Variants in ARID4A observed in about 807,000 individuals in gnomAD.
ARID4A encodes AT-rich interaction domain 4A.
In ARID4A, 39 loss-of-function variants were observed where a neutral mutation model predicts 148.6. The ratio of observed to expected loss-of-function variants is 0.26; its 90% CI spans 0.20 to 0.34. ARID4A has a LOEUF of 0.34. Among genes scored for constraint, ARID4A ranks in the 10% least tolerant of loss-of-function variants. ARID4A has a pLI of 1.00. For missense variants in ARID4A, 1,265 were observed against 1,449.1 expected, an observed-to-expected ratio of 0.87 and a Z score of 2.06; for synonymous variants, 475 against 481.2, an observed-to-expected ratio of 0.99 and a Z score of 0.17.
rs377075782 is a variant in ARID4A, at chr14:58,318,563, G to A, written c.296G>A (p.Arg99Gln). ...YTVVFDDGDE[R>Q]TLRRTSLCLK... ...ATAGTGTTTGATGATGGTGATGAGC[G>A]AACATTGAGACGTACCTCACTTTGT... The change falls in exon 6 of 24, where the codon CGA becomes CAA. Residue 99 changes from arginine (R) to glutamine (Q), a missense_variant. Coordinates refer to ENST00000355431, the MANE Select transcript of ARID4A (RefSeq NM_002892.4). The A allele has an allele frequency of 1.1e-4, 172 of 1,614,008 alleles. No homozygotes were observed. Among genetic ancestry groups the A allele is most frequent in the Non-Finnish European group, 1.4e-4 (165 of 1,180,028 alleles).
intron 8 of ARID4A, among the ~76,000 whole-genome samples, chr14:58,324,775 C>T (rs1212165162): frequency 6.6e-6 from 1 of 152,132 alleles, no homozygotes; most frequent in African/African-American, 2.4e-5. Flanking sequence ...ATTTAAGATA[C>T]ATCACTCCTC....
Position 58,365,549 on chromosome 14 carries a change from A to G in ARID4A, c.3243A>G (p.Gly1081=). Residue 1081 remains glycine (G), a synonymous_variant, in exon 21 of 24, where the codon GGA becomes GGG. Coordinates refer to ENST00000355431, the MANE Select transcript of ARID4A (RefSeq NM_002892.4). ...AGAGGCCAAGTGATGGAAATAGTGG[A>G]TTAATGGCAAAAAAGCAAAAGCGTA... The part of the protein sequence containing the change: ...GQKRPSDGNS[G]LMAKKQKRTP... The G allele has an allele frequency of 6.4e-7, 1 of 1,558,812 alleles. No individual in the cohort carries two copies. Among genetic ancestry groups the G allele is most frequent in the Non-Finnish European group, 8.7e-7 (1 of 1,153,480 alleles).
chr14:58,356,947 C>T (rs2034895987), intron 17 of ARID4A, among the ~76,000 whole-genome samples: 1 of 152,138 alleles, frequency 6.6e-6, no homozygotes, highest in Admixed American at 6.5e-5. Flanking sequence ...TGATCGCCCG[C>T]CTCGGCCTCC....
chr14:58,323,354 A>C (rs775129706), intron 7 of ARID4A, 131 bp from the exon 8 acceptor site: 14 of 1,055,762 alleles, frequency 1.3e-5, no homozygotes, highest in Non-Finnish European at 1.6e-5. Flanking sequence ...CTTCAGTTAC[A>C]ATAAGAATGG....
At chr14:58,308,756 A>T (rs1480699034) in intron 5 of ARID4A, among the ~76,000 whole-genome samples, 2 of 152,040 alleles carry the variant, frequency 1.3e-5, no homozygotes, top group South Asian at 2.1e-4. Context: ...CTTTTCTGGA[A>T]TTTTTTTTGA....
At chr14:58,314,689 A>G (rs1339234694) in intron 5 of ARID4A, among the ~76,000 whole-genome samples, 1 of 151,978 alleles carries the variant, frequency 6.6e-6, no homozygotes, top group Non-Finnish European at 1.5e-5. Flanking sequence ...TTGGCTTCCC[A>G]AAGCACCAGG....
intron 11 of ARID4A, among the ~76,000 whole-genome samples, chr14:58,337,646 AC>A (rs1172875057): frequency 6.6e-6 from 1 of 152,116 alleles, no homozygotes; most frequent in African/African-American, 2.4e-5. Context: ...TCAATTTCTT[AC>A]ATAATTTTGT....
chr14:58,318,389 T>C (rs181957024), intron 5 of ARID4A, among the ~76,000 whole-genome samples, 153 bp from the exon 6 acceptor site: 165 of 152,352 alleles, frequency 1.1e-3, no homozygotes, highest in Non-Finnish European at 2.4e-4. Context: ...AAATATGGCA[T>C]GGTATGCTCA....
chr14:58,322,230 A>G (rs1158331134), intron 7 of ARID4A, among the ~76,000 whole-genome samples: 1 of 152,038 alleles, frequency 6.6e-6, no homozygotes, highest in Non-Finnish European at 1.5e-5. Flanking sequence ...TCGGCCTCCC[A>G]AAGTGCTCAG....
chr14:58,337,267 T>TAA (rs1555361751), intron 11 of ARID4A, among the ~76,000 whole-genome samples: 2 of 137,746 alleles, frequency 1.5e-5, no homozygotes, highest in East Asian at 2.1e-4. Context: ...TATATATATA[T>TAA]AATTAAAACC....
intron 5 of ARID4A, among the ~76,000 whole-genome samples, chr14:58,313,382 T>C (rs1315463163): frequency 2.0e-5 from 3 of 152,194 alleles, no homozygotes; most frequent in African/African-American, 4.8e-5. Flanking sequence ...AACCTATTGG[T>C]AGATCCCTCG....
intron 5 of ARID4A, among the ~76,000 whole-genome samples, chr14:58,307,347 C>CT (rs367788844): frequency 1.2e-4 from 18 of 152,354 alleles, no homozygotes; most frequent in African/African-American, 4.3e-4. Context: ...AAAAATTTCT[C>CT]TGTCTTACCC....
chr14:58,307,692 C>T (rs1469842492), intron 5 of ARID4A, among the ~76,000 whole-genome samples: 9 of 152,132 alleles, frequency 5.9e-5, no homozygotes, highest in African/African-American at 2.2e-4. Context: ...TGGTGGTGGG[C>T]GTCTGTAATC....
chr14:58,321,867 A>G (rs973128254), intron 7 of ARID4A, among the ~76,000 whole-genome samples: 1 of 152,080 alleles, frequency 6.6e-6, no homozygotes, highest in Non-Finnish European at 1.5e-5. Flanking sequence ...ATTATTCTCA[A>G]TTTATAGCTG....
intron 5 of ARID4A, among the ~76,000 whole-genome samples, chr14:58,307,584 G>C (rs895283992): frequency 6.6e-5 from 10 of 152,128 alleles, no homozygotes; most frequent in African/African-American, 2.2e-4. Context: ...CTTTAGGGGG[G>C]CGAGGTGGGC....
chr14:58,312,534 T>A (rs538212573), intron 5 of ARID4A, among the ~76,000 whole-genome samples: 126 of 152,200 alleles, frequency 8.3e-4, no homozygotes, highest in East Asian at 1.9e-3. Context: ...AATTTTTTTT[T>A]AAAAAAACTA....
At chr14:58,327,846 T>C (rs1402347805) in intron 8 of ARID4A, among the ~76,000 whole-genome samples, 1 of 151,976 alleles carries the variant, frequency 6.6e-6, no homozygotes, top group East Asian at 1.9e-4. Flanking sequence ...TAATTTTTGG[T>C]ATTTTTGGTA....
chr14:58,307,329 CT>C (rs1183098951), intron 5 of ARID4A, among the ~76,000 whole-genome samples: 2 of 152,196 alleles, frequency 1.3e-5, no homozygotes, highest in Admixed American at 1.3e-4. Context: ...AAGAACTATG[CT>C]TTGGTTAAAA....
At chr14:58,312,787 T>C (rs1274739436) in intron 5 of ARID4A, among the ~76,000 whole-genome samples, 1 of 152,208 alleles carries the variant, frequency 6.6e-6, no homozygotes, top group Non-Finnish European at 1.5e-5. Context: ...AACTTTCTGA[T>C]TCTGTTTCTT....
Sources: allele counts gnomAD v4.1 joint callset (sites outside exome capture counted in the v4.1 genomes callset), GRCh38; gene constraint gnomAD v4.1.1; transcripts MANE v1.5; gene names NCBI Gene and HGNC (gene_info 2026-07-23, HGNC 2026-07-21).